BLTP1: variants seen among roughly 807,000 people sequenced by gnomAD.
BLTP1 encodes the protein fragile site-associated protein.
the BLTP1 span, among the ~76,000 whole-genome samples, chr4:122,238,941 T>C: frequency 2.0e-5 from 3 of 152,196 alleles, no homozygotes. Flanking sequence ...GCTAACATCT[T>C]TTAAATGTAA....
chr4:122,251,764 T>G, the BLTP1 span: 2 of 245,210 alleles, frequency 8.2e-6, no homozygotes, highest in African/African-American at 4.6e-5. Context: ...ATGGAATTTT[T>G]TCTTCTTCTT....
chr4:122,198,131 A>G, the BLTP1 span: 151 of 985,190 alleles, frequency 1.5e-4, no homozygotes, highest in Middle Eastern at 5.2e-4. Flanking sequence ...TCATTAGTTT[A>G]TGTAAAGTGG....
chr4:122,235,621 T>C, the BLTP1 span: 32 of 222,628 alleles, frequency 1.4e-4, no homozygotes, highest in East Asian at 5.5e-4. Flanking sequence ...CTGGCTAACG[T>C]GGTGAAACCC....
chr4:122,346,581 G>T, the BLTP1 span: 1 of 1,594,088 alleles, frequency 6.3e-7, no homozygotes, highest in Non-Finnish European at 8.5e-7. Context: ...AAACATTAAA[G>T]GTTTTAGAAA....
At chr4:122,239,215 GA>G in the BLTP1 span, among the ~76,000 whole-genome samples, 3 of 151,662 alleles carry the variant, frequency 2.0e-5, no homozygotes, top group Non-Finnish European at 2.9e-5. Context: ...GGATGTGAAA[GA>G]AAAAAAACCT....
At chr4:122,173,174 AT>A in the BLTP1 span, 7 of 1,599,150 alleles carry the variant, frequency 4.4e-6, no homozygotes, top group African/African-American at 8.1e-5. Context: ...TTAACACTGA[AT>A]TTTTTTCTTC....
At chr4:122,347,719 C>T in the BLTP1 span, 17 of 1,613,602 alleles carry the variant, frequency 1.1e-5, no homozygotes, top group Non-Finnish European at 1.4e-5. Flanking sequence ...AGGACAGAGC[C>T]TAAAATCCCC....
chr4:122,254,626 T>C, the BLTP1 span: 1 of 805,742 alleles, frequency 1.2e-6, no homozygotes, highest in Non-Finnish European at 1.4e-6. Context: ...TTCTTTCTTT[T>C]CTATTGTCCA....
At chr4:122,250,382 G>C in the BLTP1 span, 1 of 1,610,848 alleles carries the variant, frequency 6.2e-7, no homozygotes, top group South Asian at 1.1e-5. Context: ...GTCTGGTGCT[G>C]TTTTATATAA....
At chr4:122,198,571 G>A in the BLTP1 span, 1 of 356,530 alleles carries the variant, frequency 2.8e-6, no homozygotes. Flanking sequence ...GTCACCTGAG[G>A]ACTGAGGAGT....
the BLTP1 span, among the ~76,000 whole-genome samples, chr4:122,231,065 A>G: frequency 6.6e-6 from 1 of 152,222 alleles, no homozygotes; most frequent in East Asian, 1.9e-4. Context: ...TTGCCCTTAT[A>G]TTAAATATTT....
chr4:122,262,300 T>A, the BLTP1 span, among the ~76,000 whole-genome samples: 2 of 152,102 alleles, frequency 1.3e-5, no homozygotes, highest in Non-Finnish European at 2.9e-5. Flanking sequence ...TGTTTTTCTT[T>A]GCTACCCATA....
chr4:122,263,879 C>A, the BLTP1 span, among the ~76,000 whole-genome samples: 1 of 152,044 alleles, frequency 6.6e-6, no homozygotes, highest in African/African-American at 2.4e-5. Context: ...TGAAAAAATG[C>A]AAAGTGTAAT....
the BLTP1 span, chr4:122,189,104 AGAGT>A: frequency 6.5e-4 from 630 of 962,646 alleles, no homozygotes; most frequent in Non-Finnish European, 7.5e-4. Context: ...AAAATTATAG[AGAGT>A]AAGATGAAAA....
the BLTP1 span, among the ~76,000 whole-genome samples, chr4:122,185,776 C>T: frequency 1.3e-5 from 2 of 152,012 alleles, no homozygotes; most frequent in South Asian, 2.1e-4. Flanking sequence ...GCATAAAAAT[C>T]TTTAAATTTT....
the BLTP1 span, chr4:122,343,571 A>C: frequency 1.2e-6 from 2 of 1,613,974 alleles, no homozygotes; most frequent in Non-Finnish European, 1.7e-6. Context: ...GAAACAAAAA[A>C]CTGCTGTTTC....
chr4:122,160,594 G>A, the BLTP1 span, among the ~76,000 whole-genome samples: 2 of 152,184 alleles, frequency 1.3e-5, no homozygotes, highest in East Asian at 3.8e-4. Flanking sequence ...ATTTGTTCCA[G>A]GCCATCTGCC....
chr4:122,355,665 T>C, the BLTP1 span: 2 of 727,812 alleles, frequency 2.7e-6, no homozygotes, highest in South Asian at 3.3e-5. Context: ...ATGTAGTATA[T>C]CTATATATAA....
the BLTP1 span, chr4:122,276,038 CT>C: frequency 6.4e-7 from 1 of 1,570,902 alleles, no homozygotes; most frequent in Non-Finnish European, 8.6e-7. Context: ...TCATATTATT[CT>C]TTTTCATGGC....
Sources: gnomAD v4.1 joint callset for allele counts (sites outside exome capture counted in the v4.1 genomes callset) on GRCh38, gnomAD v4.1.1 for gene constraint, MANE v1.5 for transcripts, NCBI Gene and HGNC (gene_info 2026-07-23, HGNC 2026-07-21) for gene names.